Variants in SLCO2A1 observed in about 807,000 individuals in gnomAD.
SLCO2A1 encodes solute carrier organic anion transporter family member 2A1, also known as matrin F/G 1.
A neutral mutation model predicts 71.7 loss-of-function variants in SLCO2A1; 60 were observed. The observed-to-expected ratio is 0.84, with a 90% CI of 0.68 to 1.04. The LOEUF (loss-of-function observed/expected upper bound fraction) is 1.04. Among genes scored for constraint, SLCO2A1 ranks in the 50% least tolerant of loss-of-function variants. SLCO2A1 has a pLI of 0.00. For missense variants in SLCO2A1, 745 were observed against 813.4 expected, an observed-to-expected ratio of 0.92 and a Z score of 1.02; for synonymous variants, 308 against 326.7, an observed-to-expected ratio of 0.94 and a Z score of 0.62.
At chr3:134,025,298 T>C (rs946533927) in intron 1 of SLCO2A1, among the ~76,000 whole-genome samples, 1 of 152,158 alleles carries the variant, frequency 6.6e-6, no homozygotes, top group Non-Finnish European at 1.5e-5. Context: ...GAACTTGTTG[T>C]ATAATATAAT....
chr3:133,954,524 C>T (rs1933834442), intron 4 of SLCO2A1, among the ~76,000 whole-genome samples: 1 of 152,198 alleles, frequency 6.6e-6, no homozygotes, highest in Admixed American at 6.5e-5. Flanking sequence ...ATCTGCTTTG[C>T]ATGGGCTTCT....
chr3:133,965,623 G>C (rs1264807140), intron 3 of SLCO2A1, among the ~76,000 whole-genome samples: 4 of 80,836 alleles, frequency 4.9e-5, no homozygotes, highest in Admixed American at 4.1e-4. Context: ...AATTCAGCTA[G>C]TCAGCTTGGC....
intron 1 of SLCO2A1, among the ~76,000 whole-genome samples, chr3:134,013,014 G>T (rs1419588579): frequency 6.6e-6 from 1 of 152,204 alleles, no homozygotes; most frequent in Non-Finnish European, 1.5e-5. Context: ...AAGACATTTG[G>T]TCACCTTGGG....
At chr3:134,014,582 A>C (rs898911523) in intron 1 of SLCO2A1, among the ~76,000 whole-genome samples, 1 of 152,180 alleles carries the variant, frequency 6.6e-6, no homozygotes, top group African/African-American at 2.4e-5. Flanking sequence ...CAGGTCTCCT[A>C]GAAGAGTCCA....
At chr3:133,997,046 C>A (rs1467359186) in intron 1 of SLCO2A1, among the ~76,000 whole-genome samples, 1 of 152,200 alleles carries the variant, frequency 6.6e-6, no homozygotes, top group Admixed American at 6.5e-5. Context: ...ACATAACCGA[C>A]TGTCTTGGCT....
At chr3:134,024,078 G>C (rs995993692) in intron 1 of SLCO2A1, among the ~76,000 whole-genome samples, 1 of 152,202 alleles carries the variant, frequency 6.6e-6, no homozygotes, top group East Asian at 1.9e-4. Flanking sequence ...ATTTTCAAGA[G>C]CTTATCAATC....
intron 1 of SLCO2A1, among the ~76,000 whole-genome samples, chr3:134,005,331 T>C (rs908261133): frequency 4.6e-5 from 7 of 152,200 alleles, no homozygotes; most frequent in Non-Finnish European, 8.8e-5. Context: ...TATTACATCT[T>C]CTTCTGTTTC....
intron 1 of SLCO2A1, among the ~76,000 whole-genome samples, chr3:133,997,176 T>C (rs1377828059): frequency 6.6e-6 from 1 of 151,974 alleles, no homozygotes; most frequent in African/African-American, 2.4e-5. Context: ...GCCTCTCACC[T>C]CCAGCCCCAA....
At chr3:133,956,675 G>A (rs928583289) in intron 3 of SLCO2A1, among the ~76,000 whole-genome samples, 5 of 152,164 alleles carry the variant, frequency 3.3e-5, no homozygotes, top group African/African-American at 9.7e-5. Flanking sequence ...AGAGTGGCCC[G>A]ACCACATGGT....
intron 1 of SLCO2A1, among the ~76,000 whole-genome samples, chr3:134,021,750 A>T (rs1011276746): frequency 3.3e-5 from 5 of 152,066 alleles, no homozygotes; most frequent in Non-Finnish European, 5.9e-5. Flanking sequence ...AGAGAGATAT[A>T]CAAGTAGTTA....
At chr3:134,002,495 A>T (rs530247551) in intron 1 of SLCO2A1, among the ~76,000 whole-genome samples, 1 of 152,208 alleles carries the variant, frequency 6.6e-6, no homozygotes, top group Non-Finnish European at 1.5e-5. Context: ...TACTTCCCAC[A>T]AATCACTTTA....
In SLCO2A1 at chr3:133,971,466, A is replaced by T. The variant is rs867327839; in HGVS notation, c.397+2197T>A. Among the ~76,000 whole-genome samples the T allele has an allele frequency of 5.9e-5, 9 of 152,362 alleles. 1 individual carries two copies. The South Asian group carries it at 6.2e-4, about 11-fold the overall frequency. On this transcript the variant is annotated intron_variant, in intron 3 of 13. Transcript: ENST00000310926. ...AGATTTATAAAAAGGTGGGGGAAAG[A>T]GTTCCATGACCAGAACCCAGCAGAT...
chr3:133,943,813 C>T (rs973527282), intron 10 of SLCO2A1, among the ~76,000 whole-genome samples: 7 of 152,214 alleles, frequency 4.6e-5, no homozygotes, highest in Non-Finnish European at 7.3e-5. Flanking sequence ...CTGGGAGCCA[C>T]GCTCCTTCGC....
intron 3 of SLCO2A1, among the ~76,000 whole-genome samples, chr3:133,962,628 C>A (rs556717536): frequency 6.6e-6 from 1 of 152,276 alleles, no homozygotes; most frequent in Admixed American, 6.5e-5. Flanking sequence ...ACCTCTCCTC[C>A]CTGGAGCAAA....
At chr3:134,003,773 T>C (rs1264118737) in intron 1 of SLCO2A1, among the ~76,000 whole-genome samples, 8 of 152,170 alleles carry the variant, frequency 5.3e-5, no homozygotes, top group Non-Finnish European at 1.2e-4. Flanking sequence ...AATACCAATC[T>C]GGGTGTTGCT....
intron 3 of SLCO2A1, among the ~76,000 whole-genome samples, chr3:133,967,883 AC>A (rs1437187587): frequency 1.8e-4 from 4 of 22,478 alleles, no homozygotes; most frequent in Non-Finnish European, 3.3e-4. Flanking sequence ...CCACCTCCAC[AC>A]CCCCACACAC....
chr3:133,948,975 A>G lies in SLCO2A1; in HGVS notation c.862-4T>C, dbSNP rs749822427. 5.0e-6 allele frequency: 8 copies of G among 1,612,932 alleles called. No homozygotes were observed. The African/African-American group carries it at 1.1e-4, about 22-fold the overall frequency. Reference sequence around the variant, plus strand: ...CATCTGCTGTGGCAGGAGCCCTCTGAAGGCAATAAAAGGGGTGAGTGTTCA... The same window carrying G: ...CATCTGCTGTGGCAGGAGCCCTCTGGAGGCAATAAAAGGGGTGAGTGTTCA... On this transcript the variant is annotated splice_region_variant and splice_polypyrimidine_tract_variant and intron_variant, in intron 6 of 13. Coordinates refer to ENST00000310926, the MANE Select transcript of SLCO2A1 (RefSeq NM_005630.3).
intron 1 of SLCO2A1, among the ~76,000 whole-genome samples, chr3:133,997,315 T>C (rs1934988700): frequency 6.6e-6 from 1 of 152,162 alleles, no homozygotes; most frequent in South Asian, 2.1e-4. Flanking sequence ...GTATCACAGG[T>C]CAAATCATGC....
rs1935298159 is a variant in SLCO2A1, at chr3:134,009,951, TA to T, written c.96+19755del. ...GGCTGCCTCCCAATGTCCTCCACTATAAAATGTGGGCAATGCATACCTCACA... is the reference window on the plus strand; with the variant it reads ...GGCTGCCTCCCAATGTCCTCCACTATAAATGTGGGCAATGCATACCTCACA... On this transcript the variant is annotated intron_variant, in intron 1 of 13. Transcript: ENST00000310926. Among the ~76,000 whole-genome samples the T allele has an allele frequency of 2.0e-5, 3 of 152,332 alleles. No individual in the cohort carries two copies. In the South Asian group the frequency reaches 6.2e-4, roughly 32 times the overall value.
Sources: gnomAD v4.1 joint callset for allele counts (sites outside exome capture counted in the v4.1 genomes callset) on GRCh38, gnomAD v4.1.1 for gene constraint, MANE v1.5 for transcripts, NCBI Gene and HGNC (gene_info 2026-07-23, HGNC 2026-07-21) for gene names.